POLQ: variants seen among roughly 807,000 people sequenced by gnomAD.
POLQ encodes DNA polymerase theta, also known as epididymis secretory sperm binding protein.
Under a neutral mutation model 259.2 loss-of-function variants are expected in POLQ, and 233 were observed. The observed-to-expected ratio is 0.90, with a 90% CI of 0.81 to 1.00. The LOEUF is 1.00. POLQ is among the 50% of genes least tolerant of loss of function. The pLI is 0.00. For missense variants in POLQ, 2,871 were observed against 3,051.6 expected, an observed-to-expected ratio of 0.94 and a Z score of 1.39; for synonymous variants, 1,025 against 1,048.8, an observed-to-expected ratio of 0.98 and a Z score of 0.44.
At chr3:121,529,883 C>A (rs2048398715) in intron 6 of POLQ, 91 bp from the exon 7 acceptor site, 4 of 894,124 alleles carry the variant, frequency 4.5e-6, no homozygotes, top group Non-Finnish European at 4.9e-6. Context: ...TCTGGGGAAG[C>A]TTTTTCTTCT....
chr3:121,494,680 A>C (rs1237626289), intron 14 of POLQ: 18 of 1,577,390 alleles, frequency 1.1e-5, no homozygotes, highest in Admixed American at 1.7e-5. Context: ...CAAGACTGGG[A>C]CGTCTAGTCC....
intron 9 of POLQ, among the ~76,000 whole-genome samples, chr3:121,512,813 A>T (rs2048264602): frequency 6.6e-6 from 1 of 152,234 alleles, no homozygotes; most frequent in African/African-American, 2.4e-5. Flanking sequence ...GGTACTTTCA[A>T]ACCTATAAAG....
chr3:121,461,900 A>T (rs902772462), intron 24 of POLQ, among the ~76,000 whole-genome samples: 1 of 152,302 alleles, frequency 6.6e-6, no homozygotes, highest in African/African-American at 2.4e-5. Context: ...CTTTTATATC[A>T]TGTTGATTTC....
rs768051247 is a variant in POLQ at position 121,489,605 on chromosome 3, T to G, written c.3326A>C (p.Asp1109Ala). The part of the protein sequence containing the change: ...KNVSLSGKEK[D>A]NKTSFPLQIK... The stretch of plus-strand genomic sequence containing the variant: ...TTGTAATGGGAATGATGTTTTATTA[T>G]CTTTTTCCTTACCACTCAAAGATAC... The change falls in exon 16 of 30, where the codon GAT (aspartate) becomes GCT (alanine). Residue 1109 changes from aspartate to alanine, a missense_variant. Physicochemically the swap from Asp to Ala is moderately radical, Grantham distance 126. Around this residue, in one of 3 missense-constraint regions of POLQ, gnomAD observed 2,080 missense variants for 2,126.0 expected, o/e 0.98. Coordinates refer to ENST00000264233, the MANE Select transcript of POLQ (RefSeq NM_199420.4). 1 of 1,613,540 alleles carries G rather than the reference T, an allele frequency of 6.2e-7. No homozygotes were observed.
At chr3:121,496,691 A>G in intron 14 of POLQ, 117 bp downstream of exon 14, 1 of 1,052,786 alleles carries the variant, frequency 9.5e-7, no homozygotes, top group African/African-American at 1.6e-5. Flanking sequence ...AGAACTGTAC[A>G]AAGTTTTAGC....
intron 15 of POLQ, among the ~76,000 whole-genome samples, chr3:121,491,746 A>C: frequency 6.6e-6 from 1 of 152,170 alleles, no homozygotes; most frequent in East Asian, 1.9e-4. Flanking sequence ...AAACCGTGCA[A>C]GTGTGGACAG....
intron 8 of POLQ, among the ~76,000 whole-genome samples, chr3:121,521,101 C>A (rs1052789385): frequency 6.6e-6 from 1 of 152,100 alleles, no homozygotes; most frequent in Admixed American, 6.5e-5. Context: ...TTTCCCCCAT[C>A]TGTGGTTTTG....
chr3:121,488,617 A>C lies in POLQ; in HGVS notation c.4314T>G (p.Thr1438=). ...GAAGAAAACTATTTAATTGTGAATC[A>C]GTAACAGAAACTTCATTCTTTTTTA... is the stretch of plus-strand genomic sequence containing the variant. The part of the protein sequence containing the change: ...LFLKKNEVSV[T]DSQLNSFLQG... The change falls in exon 16 of 30, where the codon ACT becomes ACG. Residue 1438 remains threonine, a synonymous_variant. Coordinates refer to ENST00000264233, the MANE Select transcript of POLQ (RefSeq NM_199420.4). 1 of 1,603,822 alleles carries C rather than the reference A, an allele frequency of 6.2e-7. No individual in the cohort carries two copies. The highest frequency in any genetic ancestry group is 1.1e-5 in the South Asian group (1 of 88,562).
intron 25 of POLQ, among the ~76,000 whole-genome samples, chr3:121,452,308 G>A (rs1269491968): frequency 4.6e-5 from 7 of 152,124 alleles, no homozygotes; most frequent in Non-Finnish European, 8.8e-5. Flanking sequence ...AAGCCCCAGT[G>A]AGATGAACCT....
Position 121,488,438 on chromosome 3 carries a change from T to G in POLQ, c.4493A>C (p.Tyr1498Ser), listed in dbSNP as rs746827388. The G allele has an allele frequency of 1.6e-5, 25 of 1,612,086 alleles. No homozygotes were observed. The highest frequency in any genetic ancestry group is 1.9e-5 in the Non-Finnish European group (22 of 1,179,274). ...SLLFDSFSDD[Y>S]LVKEQLPDMQ... Reference sequence around the variant, plus strand: ...ATCAGGTAATTGTTCTTTTACTAGATAGTCATCACTGAAGCTATCAAATAG... The same window carrying G: ...ATCAGGTAATTGTTCTTTTACTAGAGAGTCATCACTGAAGCTATCAAATAG... The change falls in exon 16 of 30, where the codon TAT becomes TCT. Residue 1498 changes from tyrosine to serine, a missense_variant. Tyr to Ser is a moderately radical substitution (Grantham distance 144). Around this residue, in one of 3 missense-constraint regions of POLQ, gnomAD observed 2,080 missense variants for 2,126.0 expected, o/e 0.98. Coordinates refer to ENST00000264233, the MANE Select transcript of POLQ (RefSeq NM_199420.4).
chr3:121,447,196 A>T (rs1234411949), intron 26 of POLQ, among the ~76,000 whole-genome samples: 8 of 139,290 alleles, frequency 5.7e-5, no homozygotes, highest in South Asian at 2.3e-4. Context: ...TTTGAGAAAG[A>T]GTCTCGCCCT....
At chr3:121,433,054 A>G in intron 28 of POLQ, 21 bp from the exon 29 acceptor site, 1 of 1,293,900 alleles carries the variant, frequency 7.7e-7, no homozygotes, top group Non-Finnish European at 1.1e-6. Context: ...AAAAAGGAGC[A>G]AAACTGATCA....
chr3:121,493,428 AC>A (rs1297334887), intron 15 of POLQ, 49 bp downstream of exon 15: 2 of 1,333,252 alleles, frequency 1.5e-6, no homozygotes, highest in African/African-American at 1.8e-5. Flanking sequence ...TTTAAAATTG[AC>A]ATTTTTTTTT....
Position 121,483,364 on chromosome 3 carries a change from AAAATT to A in POLQ, c.5970+17_5970+21del, listed in dbSNP as rs772403231. 12 of 1,395,258 alleles carry A rather than the reference AAAATT, an allele frequency of 8.6e-6. No homozygotes were observed. The East Asian group carries it at 2.9e-4, about 34-fold the overall frequency. The allele number at this position is 1,395,258 out of a possible 1,614,324, so 86.4% of individuals were successfully genotyped here. A position where few individuals can be genotyped will look rare whatever the true frequency, so the allele number is the denominator to read the frequency against. Reference sequence around the variant, plus strand: ...CTAAAAATGTTGTTTTAAGTATATAAAAATTAAATTAGACATAGAACCTTAGGATC... The same window carrying A: ...CTAAAAATGTTGTTTTAAGTATATAAAAATTAGACATAGAACCTTAGGATC... On this transcript the variant is annotated intron_variant, in intron 18 of 29. Coordinates refer to ENST00000264233, the MANE Select transcript of POLQ (RefSeq NM_199420.4).
chr3:121,512,442 ACTTCTAT>A (rs2048262420), intron 9 of POLQ, among the ~76,000 whole-genome samples: 2 of 152,176 alleles, frequency 1.3e-5, no homozygotes, highest in Admixed American at 1.3e-4. Context: ...TACTAAAATA[ACTTCTAT>A]CTTCCATTAG....
At chr3:121,527,914 C>T (rs973469976) in intron 7 of POLQ, among the ~76,000 whole-genome samples, 5 of 152,050 alleles carry the variant, frequency 3.3e-5, no homozygotes, top group African/African-American at 1.2e-4. Flanking sequence ...AGGTGATAAG[C>T]GTCATATTTT....
intron 26 of POLQ, among the ~76,000 whole-genome samples, chr3:121,442,154 A>C (rs2047597651): frequency 6.6e-6 from 1 of 152,114 alleles, no homozygotes; most frequent in Non-Finnish European, 1.5e-5. Flanking sequence ...ATTTTTCATA[A>C]ATTTTTAATT....
intron 24 of POLQ, among the ~76,000 whole-genome samples, chr3:121,466,479 T>C (rs2047837760): frequency 6.6e-6 from 1 of 151,318 alleles, no homozygotes; most frequent in African/African-American, 2.4e-5. Flanking sequence ...TCACCTGAAG[T>C]TGGGAGTTCG....
intron 2 of POLQ, among the ~76,000 whole-genome samples, chr3:121,541,802 A>C (rs192692864): frequency 6.6e-6 from 1 of 152,210 alleles, no homozygotes. Context: ...TAGATGAACA[A>C]TTTTATTATG....
Sources: allele counts gnomAD v4.1 joint callset (sites outside exome capture counted in the v4.1 genomes callset), GRCh38; gene constraint gnomAD v4.1.1; regional missense constraint gnomAD v4.1.1; transcripts MANE v1.5; gene names NCBI Gene and HGNC (gene_info 2026-07-23, HGNC 2026-07-21).